Variants in CFTR observed in about 807,000 individuals in gnomAD.
CFTR encodes cystic fibrosis transmembrane conductance regulator.
A neutral mutation model predicts 171.6 loss-of-function variants in CFTR; 181 were observed. That is an observed-to-expected ratio of 1.05 (90% CI 0.93 to 1.19). CFTR has a LOEUF of 1.19. Ranked by LOEUF, CFTR falls within the 50% of genes most tolerant of loss-of-function variation. The pLI, the probability that CFTR is intolerant of heterozygous loss-of-function variation, is 0.00. For missense variants in CFTR, 1,968 were observed against 1,734.7 expected (o/e 1.13, Z -2.39); for synonymous variants, 583 against 608.0 (o/e 0.96, Z 0.60).
intron 10 of CFTR, among the ~76,000 whole-genome samples, chr7:117,552,010 A>G (rs1799278901): frequency 6.6e-6 from 1 of 152,202 alleles, no homozygotes; most frequent in Non-Finnish European, 1.5e-5. Flanking sequence ...GTCTGCAAAT[A>G]GTTTTATCAA....
chr7:117,523,625 C>T (rs1798720688), intron 3 of CFTR, among the ~76,000 whole-genome samples: 1 of 152,160 alleles, frequency 6.6e-6, no homozygotes, highest in Non-Finnish European at 1.5e-5. Context: ...GATCCTCCTG[C>T]CTCGGCCTCC....
chr7:117,665,831 C>T (rs1793367286), intron 26 of CFTR, among the ~76,000 whole-genome samples: 2 of 152,062 alleles, frequency 1.3e-5, no homozygotes, highest in South Asian at 4.2e-4. Flanking sequence ...TTTTTGAGCC[C>T]TTTATTTGGG....
At chr7:117,656,688 T>C (rs914344681) in intron 24 of CFTR, among the ~76,000 whole-genome samples, 3 of 152,244 alleles carry the variant, frequency 2.0e-5, no homozygotes, top group Non-Finnish European at 4.4e-5. Context: ...TAAATTATTT[T>C]GTTTTATTAA....
Position 117,611,813 on chromosome 7 carries a change from T to A in CFTR, c.3367+5T>A, listed in dbSNP as rs1252975636. The A allele has an allele frequency of 6.3e-7, 1 of 1,589,434 alleles. No homozygotes were observed. The highest frequency in any genetic ancestry group is 8.6e-7 in the Non-Finnish European group (1 of 1,158,642). ...TCATTTCCATTTTAACAACAGGTAC[T>A]ATGAACTCATTAACTTTAGCTAAGC... is the stretch of plus-strand genomic sequence containing the variant. On this transcript the variant is annotated splice_donor_5th_base_variant and intron_variant, in intron 20 of 26. Coordinates refer to ENST00000003084, the MANE Select transcript of CFTR (RefSeq NM_000492.4).
At chr7:117,589,840 G>C (rs1187816800) in intron 12 of CFTR, among the ~76,000 whole-genome samples, 1 of 151,932 alleles carries the variant, frequency 6.6e-6, no homozygotes, top group Non-Finnish European at 1.5e-5. Flanking sequence ...TAATTTATTA[G>C]CTGTCTCTGA....
chr7:117,513,454 T>C (rs1584778119), intron 3 of CFTR, among the ~76,000 whole-genome samples: 1 of 139,192 alleles, frequency 7.2e-6, no homozygotes, highest in Non-Finnish European at 1.5e-5. Flanking sequence ...AAAAAAAAGG[T>C]CTAGAAAGGG....
At chr7:117,543,256 AG>A (rs1799087109) in intron 9 of CFTR, among the ~76,000 whole-genome samples, 1 of 152,238 alleles carries the variant, frequency 6.6e-6, no homozygotes, top group African/African-American at 2.4e-5. Flanking sequence ...CATTTTTTAA[AG>A]ATATAGTAAG....
chr7:117,610,056 A>T (rs1022613110), intron 18 of CFTR, among the ~76,000 whole-genome samples: 5 of 151,976 alleles, frequency 3.3e-5, no homozygotes, highest in Non-Finnish European at 7.4e-5. Flanking sequence ...CTATGCAGCC[A>T]TAAAAAATGA....
In CFTR at chr7:117,664,703, G is replaced by T. The variant is rs1183192579; in HGVS notation, c.3979G>T (p.Val1327Leu). Residue 1327 changes from valine to leucine, a missense_variant, in exon 25 of 27, where the codon GTG becomes TTG. Transcript: ENST00000003084. ...CTAACTGCAGGTTGGGCTCAGATCT[G>T]TGATAGAACAGTTTCCTGGGAAGCT... ...KVADEVGLRS[V>L]IEQFPGKLDF... 1 of 1,613,928 alleles carries T rather than the reference G, an allele frequency of 6.2e-7. No individual in the cohort carries two copies. Among genetic ancestry groups the T allele is most frequent in the East Asian group, 2.2e-5 (1 of 44,862 alleles).
At chr7:117,486,443 G>A (rs1019053090) in intron 1 of CFTR, among the ~76,000 whole-genome samples, 1 of 152,140 alleles carries the variant, frequency 6.6e-6, no homozygotes, top group Non-Finnish European at 1.5e-5. Flanking sequence ...CTCAACTGGG[G>A]CACTTAACCC....
At chr7:117,573,048 C>T (rs1437526166) in intron 11 of CFTR, among the ~76,000 whole-genome samples, 1 of 107,098 alleles carries the variant, frequency 9.3e-6, no homozygotes, top group Non-Finnish European at 2.4e-5. Flanking sequence ...CTCTCTCTCT[C>T]TCTCTCTCTT....
intron 24 of CFTR, among the ~76,000 whole-genome samples, chr7:117,654,148 C>T (rs1436324720): frequency 6.6e-6 from 1 of 152,178 alleles, no homozygotes; most frequent in Admixed American, 6.5e-5. Flanking sequence ...TCCAATCCCA[C>T]ACCTATGGCT....
chr7:117,537,040 A>G (rs1188315465), intron 7 of CFTR, among the ~76,000 whole-genome samples: 1 of 152,192 alleles, frequency 6.6e-6, no homozygotes, highest in Admixed American at 6.5e-5. Flanking sequence ...AACCAAATAG[A>G]TGATTCTCTA....
intron 22 of CFTR, among the ~76,000 whole-genome samples, chr7:117,635,578 T>C (rs1449625240): frequency 6.6e-6 from 1 of 152,112 alleles, no homozygotes; most frequent in Non-Finnish European, 1.5e-5. Flanking sequence ...GCATTTTATA[T>C]GTTTCCATTT....
At chr7:117,566,423 A>C in intron 11 of CFTR, among the ~76,000 whole-genome samples, 1 of 152,118 alleles carries the variant, frequency 6.6e-6, no homozygotes, top group South Asian at 2.1e-4. Flanking sequence ...TGACAGAGTG[A>C]GACTCTGTCT....
At position 117,548,701 on chromosome 7, in the gene CFTR, G is replaced by A. The variant is rs371107552; in HGVS notation, c.1270G>A (p.Gly424Ser). The A allele has an allele frequency of 2.0e-4, 321 of 1,613,186 alleles. No individual in the cohort carries two copies. The highest frequency in any genetic ancestry group is 2.6e-4 in the Non-Finnish European group (309 of 1,179,584). ...QNNNNRKTSN[G>S]DDSLFFSNFS... ...CAATAACAATAGAAAAACTTCTAAT[G>A]GTGATGACAGCCTCTTCTTCAGTAA... Residue 424 changes from glycine to serine, a missense_variant, in exon 10 of 27, where the codon GGT (glycine) becomes AGT (serine). Physicochemically the swap from Gly to Ser is moderately conservative, Grantham distance 56. Coordinates refer to ENST00000003084, the MANE Select transcript of CFTR (RefSeq NM_000492.4).
chr7:117,574,319 G>A (rs2518872), intron 11 of CFTR, among the ~76,000 whole-genome samples: 2 of 151,902 alleles, frequency 1.3e-5, no homozygotes, highest in Admixed American at 1.3e-4. Context: ...AATGTATTTT[G>A]TTTTAAAATA....
chr7:117,534,772 A>G (rs887535444), intron 5 of CFTR, among the ~76,000 whole-genome samples: 2 of 152,192 alleles, frequency 1.3e-5, no homozygotes, highest in Admixed American at 1.3e-4. Context: ...CATTACTTAA[A>G]ACAGCATTGG....
At chr7:117,532,333 T>C (rs1798878452) in intron 4 of CFTR, among the ~76,000 whole-genome samples, 1 of 152,210 alleles carries the variant, frequency 6.6e-6, no homozygotes, top group Admixed American at 6.5e-5. Flanking sequence ...TAGCTCAGGA[T>C]GTGCATGACA....
Sources: allele counts gnomAD v4.1 joint callset (sites outside exome capture counted in the v4.1 genomes callset), GRCh38; gene constraint gnomAD v4.1.1; transcripts MANE v1.5; gene names NCBI Gene and HGNC (gene_info 2026-07-23, HGNC 2026-07-21).